SCN1A: variants seen among roughly 807,000 people sequenced by gnomAD.
The protein encoded by SCN1A is sodium voltage-gated channel alpha subunit 1, also known as sodium channel protein type 1 subunit alpha.
A neutral mutation model predicts 193.7 loss-of-function variants in SCN1A; 13 were observed. The observed-to-expected ratio is 0.07, with a 90% confidence interval of 0.04 to 0.11. SCN1A has a LOEUF of 0.11. SCN1A is among the 10% of genes least tolerant of loss of function. The pLI, the probability that SCN1A is intolerant of heterozygous loss-of-function variation, is 1.00. For synonymous variants in SCN1A, 781 were observed against 843.6 expected, an observed-to-expected ratio of 0.93 and a Z score of 1.29; for missense variants, 1,432 against 2,451.1, an observed-to-expected ratio of 0.58 and a Z score of 8.78.
rs1688872417 is a variant in SCN1A at position 165,989,614 on chromosome 2, T to C, written c.*1631A>G. The C allele has an allele frequency of 6.6e-6, 1 of 152,524 alleles. No homozygotes were observed. Among genetic ancestry groups the C allele is most frequent in the Non-Finnish European group, 1.5e-5 (1 of 68,020 alleles). The allele number at this position is 152,524 out of a possible 1,614,324, so 9.4% of individuals were successfully genotyped here. On this transcript the variant is annotated 3_prime_UTR_variant, in exon 29 of 29. Transcript: ENST00000674923. ...TTTGCTCCTTAAAATTGTGAAATAA[T>C]CTAAAATTAGCAAATGTAATTTAAA...
intron 2 of SCN1A, among the ~76,000 whole-genome samples, chr2:166,112,909 G>A (rs1323481975): frequency 2.0e-5 from 3 of 152,138 alleles, no homozygotes; most frequent in African/African-American, 7.2e-5. Flanking sequence ...TATGGAGTTT[G>A]GATAGCTTCT....
intron 25 of SCN1A, among the ~76,000 whole-genome samples, chr2:165,999,314 A>G (rs369081679): frequency 2.0e-5 from 3 of 151,466 alleles, no homozygotes; most frequent in African/African-American, 7.3e-5. Context: ...TGACAGAACA[A>G]TATCCATAAC....
chr2:166,026,016 A>T (rs2105722159), intron 19 of SCN1A, among the ~76,000 whole-genome samples: 1 of 152,224 alleles, frequency 6.6e-6, no homozygotes, highest in African/African-American at 2.4e-5. Flanking sequence ...TTTATTATTA[A>T]TTTCAGGCTT....
intron 19 of SCN1A, among the ~76,000 whole-genome samples, chr2:166,025,692 A>C (rs77884769): frequency 0.033 from 5,092 of 152,130 alleles, 317 homozygotes; most frequent in African/African-American, 0.12. Flanking sequence ...TTTTTTTCCT[A>C]AGAACCATAA....
upstream of SCN1A, among the ~76,000 whole-genome samples, chr2:166,129,320 C>T (rs1691542082): frequency 6.6e-6 from 1 of 152,088 alleles, no homozygotes; most frequent in African/African-American, 2.4e-5. Flanking sequence ...TTTTCCTGTT[C>T]TAGAATCACA....
intron 4 of SCN1A, 28 bp downstream of exon 4, chr2:166,073,330 C>T: frequency 1.2e-6 from 2 of 1,612,404 alleles, no homozygotes; most frequent in Non-Finnish European, 1.7e-6. Context: ...CAATTAGCAG[C>T]AAAATATGCC....
At chr2:166,022,788 G>A (rs1694237622) in intron 19 of SCN1A, among the ~76,000 whole-genome samples, 1 of 152,138 alleles carries the variant, frequency 6.6e-6, no homozygotes, top group East Asian at 1.9e-4. Flanking sequence ...ACTTTTTAAT[G>A]TTAAGTACCA....
intron 9 of SCN1A, among the ~76,000 whole-genome samples, chr2:166,050,630 T>TATATATATATATATATATATAAA (rs1559235147): frequency 3.7e-5 from 3 of 80,586 alleles, no homozygotes; most frequent in African/African-American, 1.6e-4. Flanking sequence ...TATATATATA[T>TATATATATATATATATATATAAA]ATATATATGT....
Position 166,056,301 on chromosome 2 carries a change from T to C in SCN1A, c.473+110A>G, listed in dbSNP as rs552103496. ...TGTCCTCTTGCTGCGTAATTTTGTC[T>C]AGGAATGACTTTAATAAAATGCTCT... On this transcript the variant is annotated intron_variant, in intron 6 of 28. Coordinates refer to ENST00000674923, the MANE Select transcript of SCN1A (RefSeq NM_001165963.4). 47 of 751,462 alleles carry C rather than the reference T, an allele frequency of 6.3e-5. No homozygotes were observed. In the East Asian group the frequency reaches 1.2e-3, roughly 19 times the overall value. The allele number at this position is 751,462 out of a possible 1,614,324, so 46.5% of individuals were successfully genotyped here.
chr2:165,985,927 A>G lies in SCN1A; in HGVS notation c.*5318T>C, dbSNP rs905202548. On this transcript the variant is annotated 3_prime_UTR_variant, in exon 29 of 29. Coordinates refer to ENST00000674923, the MANE Select transcript of SCN1A (RefSeq NM_001165963.4). ...GCTGTCTTTAGTGCGACAAGTTTAT[A>G]TAGTTCGAGTGTCTGGGCTTTGTGA... 3.3e-5 allele frequency: 5 copies of G among 152,142 alleles called. No homozygotes were observed. The highest frequency in any genetic ancestry group is 1.2e-4 in the African/African-American group (5 of 41,436). The allele number at this position is 152,142 out of a possible 1,614,324, so 9.4% of individuals were successfully genotyped here.
rs77006062 is a variant in SCN1A at position 166,091,279 on chromosome 2, A to G, written c.-141-13478T>C. On this transcript the variant is annotated intron_variant, in intron 2 of 28. Transcript: ENST00000674923. ...TCCTTTCTTTTTTTTGAAAACTCACATAACATTAATTCTGTTAAGCACTGG... is the reference window on the plus strand; with the variant it reads ...TCCTTTCTTTTTTTTGAAAACTCACGTAACATTAATTCTGTTAAGCACTGG... Among the ~76,000 whole-genome samples the G allele has an allele frequency of 2.6e-3, 396 of 152,274 alleles. 10 individuals are homozygous for G. The East Asian group carries it at 0.065, about 25-fold the overall frequency.
In SCN1A at chr2:166,047,057, T is replaced by C. The variant is rs544627749; in HGVS notation, c.1171-81A>G. ...TCAACTTTCAATTTACTCATGTGTC[T>C]AGCAAAACTCAGATATAAATAGTAA... On this transcript the variant is annotated intron_variant, in intron 11 of 28. Transcript: ENST00000674923. 21 of 1,466,456 alleles carry C rather than the reference T, an allele frequency of 1.4e-5. No homozygotes were observed. In the East Asian group the frequency reaches 4.6e-4, roughly 32 times the overall value. 90.8% of individuals were successfully genotyped at this position (1,466,456 alleles called of 1,614,324 possible).
chr2:165,992,320 C>T lies in SCN1A; in HGVS notation c.4955G>A (p.Gly1652Glu), dbSNP rs1573952568. 1 of 1,613,700 alleles carries T rather than the reference C, an allele frequency of 6.2e-7. No individual in the cohort carries two copies. The highest frequency in any genetic ancestry group is 8.5e-7 in the Non-Finnish European group (1 of 1,179,806). Residue 1652 changes from glycine to glutamate, a missense_variant, in exon 29 of 29, where the codon GGA (glycine) becomes GAA (glutamate). Gly to Glu is a moderately conservative substitution (Grantham distance 98). Coordinates refer to ENST00000674923, the MANE Select transcript of SCN1A (RefSeq NM_001165963.4). The surrounding 1 kb of genome is among the most constrained non-coding windows in gnomAD (Gnocchi z 6.5). Reference sequence around the variant, plus strand: ...GAGCAGCGTGCGGATCCCCTTTGCTCCTTTGATCAGACGTAGGATTCGGCC... The same window carrying T: ...GAGCAGCGTGCGGATCCCCTTTGCTTCTTTGATCAGACGTAGGATTCGGCC... ...RIGRILRLIK[G>E]AKGIRTLLFA...
At chr2:166,115,900 C>T (rs1247149169) in intron 2 of SCN1A, among the ~76,000 whole-genome samples, 1 of 152,168 alleles carries the variant, frequency 6.6e-6, no homozygotes, top group African/African-American at 2.4e-5. Flanking sequence ...GAAATGTATA[C>T]AGGACCTAGG....
chr2:166,015,419 A>T (rs1693137606), intron 20 of SCN1A, among the ~76,000 whole-genome samples, 188 bp downstream of exon 20: 2 of 151,890 alleles, frequency 1.3e-5, no homozygotes. Context: ...TCTCTTCCAC[A>T]TATTGGGCAG....
chr2:166,024,834 A>G (rs1427156428), intron 19 of SCN1A, among the ~76,000 whole-genome samples: 2 of 152,028 alleles, frequency 1.3e-5, no homozygotes, highest in Non-Finnish European at 2.9e-5. Context: ...TAATTTTTGT[A>G]TTTTTTGTAG....
At chr2:166,058,434 A>G (rs1010104801) in intron 5 of SCN1A, 136 bp downstream of exon 5, 8 of 566,474 alleles carry the variant, frequency 1.4e-5, no homozygotes, top group Non-Finnish European at 2.3e-5. Context: ...GAATGAGGCT[A>G]ATATGACAAA....
intron 19 of SCN1A, among the ~76,000 whole-genome samples, chr2:166,030,954 AG>A (rs1695479131): frequency 6.6e-6 from 1 of 152,124 alleles, no homozygotes; most frequent in Admixed American, 6.6e-5. Flanking sequence ...AAGCTCTCTC[AG>A]ATCTGTCCAA....
chr2:166,036,029 C>G lies in SCN1A; in HGVS notation c.3429+19G>C, dbSNP rs945969546. On this transcript the variant is annotated intron_variant, in intron 19 of 28. Coordinates refer to ENST00000674923, the MANE Select transcript of SCN1A (RefSeq NM_001165963.4). ...ATATGTATATGTATTCATACCTTCC[C>G]ACACCTATAGAATCTTACCTCTTTG... 6.2e-6 allele frequency: 10 copies of G among 1,611,640 alleles called. No homozygotes were observed. In the Admixed American group the frequency reaches 1.2e-4, roughly 19 times the overall value.
Sources: allele counts gnomAD v4.1 joint callset (sites outside exome capture counted in the v4.1 genomes callset), GRCh38; gene constraint gnomAD v4.1.1; non-coding constraint Gnocchi (gnomAD v3.1); transcripts MANE v1.5; gene names NCBI Gene and HGNC (gene_info 2026-07-23, HGNC 2026-07-21).